ANK1: variants seen among roughly 807,000 people sequenced by gnomAD.
The protein encoded by ANK1 is ankyrin 1.
Under a neutral mutation model 210.4 loss-of-function variants are expected in ANK1, and 51 were observed. The ratio of observed to expected loss-of-function variants is 0.24; its 90% CI spans 0.19 to 0.31. The LOEUF (loss-of-function observed/expected upper bound fraction) is 0.31, where lower values mean the gene tolerates loss of function less well. Among genes scored for constraint, ANK1 ranks in the 10% least tolerant of loss-of-function variants. The pLI is 1.00. For synonymous variants in ANK1, 967 were observed against 1,025.9 expected, an observed-to-expected ratio of 0.94 and a Z score of 1.10; for missense variants, 2,051 against 2,504.4, an observed-to-expected ratio of 0.82 and a Z score of 3.86.
intron 35 of ANK1, 60 bp from the exon 36 acceptor site, chr8:41,686,343 C>G: frequency 6.2e-7 from 1 of 1,609,806 alleles, no homozygotes; most frequent in Non-Finnish European, 8.5e-7. Flanking sequence ...CAGGGGGCCT[C>G]CAGCACACAG....
chr8:41,749,498 T>A (rs944265713), intron 2 of ANK1, among the ~76,000 whole-genome samples: 1 of 152,082 alleles, frequency 6.6e-6, no homozygotes, highest in Non-Finnish European at 1.5e-5. Flanking sequence ...AGTTTCACCA[T>A]GTTGGTCAGG....
At chr8:41,838,941 A>C (rs963471942) in intron 1 of ANK1, among the ~76,000 whole-genome samples, 1 of 151,248 alleles carries the variant, frequency 6.6e-6, no homozygotes, top group African/African-American at 2.4e-5. Context: ...GTACGGCATG[A>C]TGGTGCATGC....
At chr8:41,875,458 C>G (rs1419785638) in intron 1 of ANK1, among the ~76,000 whole-genome samples, 1 of 152,184 alleles carries the variant, frequency 6.6e-6, no homozygotes, top group African/African-American at 2.4e-5. Flanking sequence ...AGGGACTCTC[C>G]CAGGTGATAC....
At position 41,822,151 on chromosome 8, in the gene ANK1, AAAGAAAGAAAG is replaced by A. The variant is rs1382110105; in HGVS notation, c.127-64025_127-64015del. Among the ~76,000 whole-genome samples the A allele has an allele frequency of 7.3e-5, 4 of 54,742 alleles. No individual in the cohort carries two copies. In the East Asian group the frequency reaches 1.1e-3, roughly 14 times the overall value. The allele number at this position is 54,742 out of a possible 152,430, so 35.9% of individuals were successfully genotyped here. A position where few individuals can be genotyped will look rare whatever the true frequency, so the allele number is the denominator to read the frequency against. The stretch of plus-strand genomic sequence containing the variant: ...AAGAAAGAGAAAGAAAGAAAGAAAG[AAAGAAAGAAAG>A]AAAGAAAGAAAGAAAGAAAGAAAGA... On this transcript the variant is annotated intron_variant, in intron 1 of 42. Transcript: ENST00000265709.
chr8:41,718,286 C>T, intron 10 of ANK1, 82 bp from the exon 11 acceptor site: 1 of 1,399,468 alleles, frequency 7.1e-7, no homozygotes, highest in South Asian at 1.2e-5. Flanking sequence ...CCTGGCTGCT[C>T]TAAAAGGCAG....
rs201435072 is a variant in ANK1, at chr8:41,688,148, C to G, written c.4258+8G>C. The G allele has an allele frequency of 6.4e-5, 103 of 1,614,124 alleles. No individual in the cohort carries two copies. The highest frequency in any genetic ancestry group is 8.6e-5 in the Non-Finnish European group (102 of 1,179,978). The stretch of plus-strand genomic sequence containing the variant: ...AAAGTGCTTTTCTGCCCCCAATTCC[C>G]CACTCACCTGCCCAGCTGAGACCGA... On this transcript the variant is annotated splice_region_variant and intron_variant, in intron 35 of 42. Transcript: ENST00000289734.
intron 1 of ANK1, chr8:41,803,574 A>G (rs1292216680): frequency 1.3e-5 from 2 of 151,270 alleles, no homozygotes; most frequent in African/African-American, 4.9e-5. Context: ...GCTCTATTAC[A>G]TTGGGTAAGA....
chr8:41,668,563 G>A lies in ANK1; in HGVS notation c.5098C>T (p.Leu1700=), dbSNP rs1194274153. The part of the protein sequence containing the change: ...SQVTERSQDR[L]QDWDADGSIV... ...GAGCCGTCTGCATCCCAGTCCTGCA[G>A]TCTGGGGTCCAGAAGAAGCAGCAGA... Residue 1700 remains leucine, a splice_region_variant and synonymous_variant, in exon 39 of 43, where the codon CTG becomes TTG. Coordinates refer to ENST00000289734, the MANE Select transcript of ANK1 (RefSeq NM_000037.4). 1 of 1,611,386 alleles carries A rather than the reference G, an allele frequency of 6.2e-7. No homozygotes were observed. Among genetic ancestry groups the A allele is most frequent in the South Asian group, 1.1e-5 (1 of 91,014 alleles).
At chr8:41,719,906 G>A (rs377480134) in intron 9 of ANK1, 48 bp from the exon 10 acceptor site, 73 of 1,592,844 alleles carry the variant, frequency 4.6e-5, no homozygotes, top group East Asian at 3.8e-4. Context: ...TCTGGGGACC[G>A]AGCATGGAGA....
At chr8:41,822,095 AGAGAG>A (rs1563844742) in intron 1 of ANK1, among the ~76,000 whole-genome samples, 8 of 53,522 alleles carry the variant, frequency 1.5e-4, no homozygotes, top group African/African-American at 7.4e-4. Context: ...AGAGAGAGAG[AGAGAG>A]AGAGAGAGAG....
intron 2 of ANK1, among the ~76,000 whole-genome samples, chr8:41,742,496 G>A (rs554246886): frequency 6.6e-6 from 1 of 152,256 alleles, no homozygotes; most frequent in South Asian, 2.1e-4. Flanking sequence ...GCTGCATCCC[G>A]TGACTGAGGA....
intron 2 of ANK1, among the ~76,000 whole-genome samples, chr8:41,746,969 G>T (rs181848558): frequency 1.3e-5 from 2 of 152,076 alleles, no homozygotes; most frequent in Non-Finnish European, 2.9e-5. Flanking sequence ...GACCTCCCAG[G>T]CTTCAATTTA....
chr8:41,743,251 T>G lies in ANK1; in HGVS notation c.130-9182A>C, dbSNP rs1835243158. Reference sequence around the variant, plus strand: ...CTCCAAATCCTGAAACTGATGAGAATGAAAGAAAGAGCAGGGAAGAAAGCA... The same window carrying G: ...CTCCAAATCCTGAAACTGATGAGAAGGAAAGAAAGAGCAGGGAAGAAAGCA... On this transcript the variant is annotated intron_variant, in intron 2 of 42. Transcript: ENST00000289734. 2.6e-5 allele frequency among the ~76,000 whole-genome samples: 4 copies of G among 151,456 alleles called. No individual in the cohort carries two copies. In the South Asian group the frequency reaches 8.4e-4, roughly 32 times the overall value.
At chr8:41,714,296 C>T (rs910658519) in intron 15 of ANK1, 42 bp from the exon 16 acceptor site, 11 of 1,486,316 alleles carry the variant, frequency 7.4e-6, no homozygotes, top group Middle Eastern at 1.8e-4. Context: ...GTCACTCCCA[C>T]GGACTTTCTC....
chr8:41,717,299 T>A (rs1827961086), intron 12 of ANK1, among the ~76,000 whole-genome samples: 3 of 152,254 alleles, frequency 2.0e-5, no homozygotes. Flanking sequence ...GTCTGTGTAT[T>A]CTAGGTACAC....
intron 2 of ANK1, among the ~76,000 whole-genome samples, chr8:41,754,749 G>T (rs1198694243): frequency 6.6e-6 from 1 of 152,194 alleles, no homozygotes; most frequent in Non-Finnish European, 1.5e-5. Context: ...TGGGTTTCAT[G>T]CAGGCATGGG....
intron 2 of ANK1, among the ~76,000 whole-genome samples, chr8:41,755,279 C>T (rs1838841467): frequency 6.6e-6 from 1 of 152,242 alleles, no homozygotes; most frequent in Non-Finnish European, 1.5e-5. Flanking sequence ...CACCCAAGGC[C>T]TCTCCAACGG....
intron 16 of ANK1, 64 bp downstream of exon 16, chr8:41,714,092 A>AG: frequency 8.5e-7 from 1 of 1,172,072 alleles, no homozygotes; most frequent in Non-Finnish European, 1.1e-6. Context: ...CCCCTCCCTG[A>AG]GGGACTGGAA....
chr8:41,804,366 C>T (rs1176509804), intron 1 of ANK1, among the ~76,000 whole-genome samples: 1 of 152,226 alleles, frequency 6.6e-6, no homozygotes, highest in South Asian at 2.1e-4. Flanking sequence ...ACTTCTGCCA[C>T]ATTCTATTTG....
Sources: allele counts gnomAD v4.1 joint callset (sites outside exome capture counted in the v4.1 genomes callset), GRCh38; gene constraint gnomAD v4.1.1; transcripts MANE v1.5; gene names NCBI Gene and HGNC (gene_info 2026-07-23, HGNC 2026-07-21).